The following JRK variants were observed in gnomAD, a reference collection of about 807,000 sequenced individuals.
JRK encodes Jrk helix-turn-helix protein.
For synonymous variants in JRK, 303 were observed against 218.1 expected, an observed-to-expected ratio of 1.39 and a Z score of -3.43; for missense variants, 720 against 509.2, an observed-to-expected ratio of 1.41 and a Z score of -3.98.
In JRK at chr8:142,661,623, A is replaced by G. The variant is rs782681448; in HGVS notation, c.*2729T>C. ...GCTCCAGCCTGGTGCTCACAGATAA[A>G]ACGCGGAGGCATTTAAACAGGACCA... On this transcript the variant is annotated 3_prime_UTR_variant, in exon 2 of 2. Transcript: ENST00000612905. 43 of 985,314 alleles carry G rather than the reference A, an allele frequency of 4.4e-5. No homozygotes were observed. The highest frequency in any genetic ancestry group is 1.0e-3 in the Middle Eastern group (2 of 1,936). The allele number at this position is 985,314 out of a possible 1,614,324, so 61.0% of individuals were successfully genotyped here. A position where few individuals can be genotyped will look rare whatever the true frequency, so the allele number is the denominator to read the frequency against.
chr8:142,657,983 A>G lies in JRK; in HGVS notation c.*6369T>C, dbSNP rs1554633925. On this transcript the variant is annotated 3_prime_UTR_variant, in exon 2 of 2. Transcript: ENST00000612905. ...TGGCGCTGGGTAGGGTATGGTGGGA[A>G]TCCTCCAGGCCCTGGCCATGAGGTG... 1 of 152,248 alleles carries G rather than the reference A, an allele frequency of 6.6e-6. No homozygotes were observed. Among genetic ancestry groups the G allele is most frequent in the Non-Finnish European group, 1.5e-5 (1 of 68,100 alleles). 9.4% of individuals were successfully genotyped at this position (152,248 alleles called of 1,614,324 possible). A position where few individuals can be genotyped will look rare whatever the true frequency, so the allele number is the denominator to read the frequency against.
chr8:142,657,062 A>G (rs370799113), downstream of JRK, among the ~76,000 whole-genome samples: 3 of 152,294 alleles, frequency 2.0e-5, no homozygotes, highest in East Asian at 3.9e-4. Flanking sequence ...CGCGCAGCAC[A>G]CAGAACTTCA....
At chr8:142,652,829 G>A (rs1339901113), downstream of JRK, among the ~76,000 whole-genome samples, 2 of 152,224 alleles carry the variant, frequency 1.3e-5, no homozygotes, top group Non-Finnish European at 2.9e-5. Flanking sequence ...GCTGCATGCT[G>A]CACGGTTATG....
At chr8:142,648,775 T>C in the JRK span, among the ~76,000 whole-genome samples, 83,547 of 152,046 alleles carry the variant, frequency 0.55, 24,267 homozygotes, top group Admixed American at 0.67. Context: ...AGGGCCACCA[T>C]CCTCCAGACC....
rs782121503 is a variant in JRK at position 142,665,086 on chromosome 8, C to T, written c.973G>A (p.Ala325Thr). The change falls in exon 2 of 2, where the codon GCC (alanine) becomes ACC (threonine). Residue 325 changes from alanine to threonine, a missense_variant. Coordinates refer to ENST00000612905, the MANE Select transcript of JRK (RefSeq NM_003724.4). The part of the protein sequence containing the change: ...VFTIFLPASV[A>T]SLVQPMEQGI... ...TGCTCCATGGGCTGCACCAATGAGGCCACGCTGGCAGGCAGGAAGATGGTG... is the reference window on the plus strand; with the variant it reads ...TGCTCCATGGGCTGCACCAATGAGGTCACGCTGGCAGGCAGGAAGATGGTG... 8.4e-6 allele frequency: 6 copies of T among 717,776 alleles called. No individual in the cohort carries two copies. The South Asian group carries it at 8.9e-5, about 11-fold the overall frequency. The allele number at this position is 717,776 out of a possible 1,614,324, so 44.5% of individuals were successfully genotyped here.
At chr8:142,650,210 A>G in the JRK span, among the ~76,000 whole-genome samples, 2 of 152,238 alleles carry the variant, frequency 1.3e-5, no homozygotes, top group East Asian at 3.8e-4. Flanking sequence ...CCCCCATTGT[A>G]TCTAGGAAGT....
chr8:142,662,882 G>A lies in JRK; in HGVS notation c.*1470C>T, dbSNP rs1554634776. 3.3e-5 allele frequency: 32 copies of A among 984,186 alleles called. No homozygotes were observed. Among genetic ancestry groups the A allele is most frequent in the Non-Finnish European group, 3.6e-5 (30 of 828,896 alleles). 61.0% of individuals were successfully genotyped at this position (984,186 alleles called of 1,614,324 possible). A position where few individuals can be genotyped will look rare whatever the true frequency, so the allele number is the denominator to read the frequency against. On this transcript the variant is annotated 3_prime_UTR_variant, in exon 2 of 2. Transcript: ENST00000612905. ...ATAGCAAGAAAAACCTATTTAGGCC[G>A]AGTGCTGTGGCTCACACCTGTAATC...
intron 1 of JRK, among the ~76,000 whole-genome samples, chr8:142,669,078 C>A (rs996863080): frequency 1.2e-4 from 19 of 152,034 alleles, no homozygotes; most frequent in Non-Finnish European, 2.9e-5. Flanking sequence ...GAGGGGCCAG[C>A]GCTGGGGCTG....
rs587675600 is a variant in JRK, at chr8:142,662,409, G to A, written c.*1943C>T. ...TGCCTCAAGCAGCTGCAATCCAGCA[G>A]TCTTGGTTAAGAGGCTCTATTAGGA... is the stretch of plus-strand genomic sequence containing the variant. On this transcript the variant is annotated 3_prime_UTR_variant, in exon 2 of 2. Coordinates refer to ENST00000612905, the MANE Select transcript of JRK (RefSeq NM_003724.4). 2.0e-6 allele frequency: 2 copies of A among 985,438 alleles called. No individual in the cohort carries two copies. Among genetic ancestry groups the A allele is most frequent in the Admixed American group, 6.1e-5 (1 of 16,280 alleles). The allele number at this position is 985,438 out of a possible 1,614,324, so 61.0% of individuals were successfully genotyped here.
At chr8:142,649,786 A>G in the JRK span, among the ~76,000 whole-genome samples, 89,697 of 152,218 alleles carry the variant, frequency 0.59, 27,965 homozygotes, top group Admixed American at 0.69. Context: ...CTCTGCTAGC[A>G]CAGTGTGGAA....
At chr8:142,668,595 G>C (rs1285021406) in intron 1 of JRK, among the ~76,000 whole-genome samples, 1 of 151,658 alleles carries the variant, frequency 6.6e-6, no homozygotes, top group African/African-American at 2.4e-5. Flanking sequence ...GACTAACTGG[G>C]GACTGGGATG....
rs782496497 is a variant in JRK at position 142,664,818 on chromosome 8, G to C, written c.1241C>G (p.Ser414Cys). The C allele has an allele frequency of 4.6e-5, 74 of 1,598,400 alleles. No homozygotes were observed. Among genetic ancestry groups the C allele is most frequent in the Non-Finnish European group, 5.9e-5 (69 of 1,171,910 alleles). ...CACAAGCTCCAGGATGTGTGCAAAG[G>C]ACTTGTTGTGGGGCTTCACTGGGAA... ...ECFPVKPHNK[S>C]FAHILELVKE... The change falls in exon 2 of 2, where the codon TCC becomes TGC. Residue 414 changes from serine to cysteine, a missense_variant. Ser to Cys is a moderately radical substitution (Grantham distance 112). Transcript: ENST00000612905.
At chr8:142,649,251 A>C in the JRK span, among the ~76,000 whole-genome samples, 2 of 152,158 alleles carry the variant, frequency 1.3e-5, no homozygotes, top group Non-Finnish European at 2.9e-5. Context: ...ATTGGTTTTG[A>C]AATGTAAGGA....
chr8:142,646,012 A>T, the JRK span, among the ~76,000 whole-genome samples: 2 of 152,112 alleles, frequency 1.3e-5, no homozygotes, highest in Non-Finnish European at 2.9e-5. Context: ...TTTTTTTAGA[A>T]AGAATGTTTT....
At chr8:142,651,493 T>TTA in the JRK span, among the ~76,000 whole-genome samples, 1 of 151,694 alleles carries the variant, frequency 6.6e-6, no homozygotes, top group African/African-American at 2.4e-5. Flanking sequence ...AAAAGTGGTC[T>TTA]TGTTATGTAA....
Position 142,662,424 on chromosome 8 carries a change from C to A in JRK, c.*1928G>T. On this transcript the variant is annotated 3_prime_UTR_variant, in exon 2 of 2. Coordinates refer to ENST00000612905, the MANE Select transcript of JRK (RefSeq NM_003724.4). ...CAATCCAGCAGTCTTGGTTAAGAGG[C>A]TCTATTAGGAGTGACACGTGAGCCC... 1.0e-6 allele frequency: 1 copy of A among 985,240 alleles called. No individual in the cohort carries two copies. The highest frequency in any genetic ancestry group is 1.2e-6 in the Non-Finnish European group (1 of 829,944). 61.0% of individuals were successfully genotyped at this position (985,240 alleles called of 1,614,324 possible).
At position 142,664,444 on chromosome 8, in the gene JRK, C is replaced by G. The variant is rs781999093; in HGVS notation, c.1615G>C (p.Val539Leu). 1.9e-6 allele frequency: 3 copies of G among 1,611,536 alleles called. No individual in the cohort carries two copies. The highest frequency in any genetic ancestry group is 2.5e-6 in the Non-Finnish European group (3 of 1,178,854). ...RRRRGALGAV[V>L]KVEALQEGPG... ...CCCTCCTGGAGGGCTTCAACCTTGA[C>G]CACAGCCCCGAGGGCACCACGCCGC... The change falls in exon 2 of 2, where the codon GTC (valine) becomes CTC (leucine). Residue 539 changes from valine (V) to leucine (L), a missense_variant. Coordinates refer to ENST00000612905, the MANE Select transcript of JRK (RefSeq NM_003724.4).
chr8:142,657,055 G>A (rs368593935), downstream of JRK, among the ~76,000 whole-genome samples: 14 of 152,268 alleles, frequency 9.2e-5, no homozygotes, highest in Middle Eastern at 3.4e-3. Flanking sequence ...CCACATCCGC[G>A]CAGCACACAG....
At position 142,660,380 on chromosome 8, in the gene JRK, C is replaced by T; in HGVS notation, c.*3972G>A. ...TCATGACCTCCCCGACCCTGATCTC[C>T]ACACCTGACCCCAAAGCACATTTTG... On this transcript the variant is annotated 3_prime_UTR_variant, in exon 2 of 2. Transcript: ENST00000612905. 1 of 985,604 alleles carries T rather than the reference C, an allele frequency of 1.0e-6. No individual in the cohort carries two copies. The highest frequency in any genetic ancestry group is 1.2e-6 in the Non-Finnish European group (1 of 830,054). 61.1% of individuals were successfully genotyped at this position (985,604 alleles called of 1,614,324 possible).
Sources: allele counts gnomAD v4.1 joint callset (sites outside exome capture counted in the v4.1 genomes callset), GRCh38; gene constraint gnomAD v4.1.1; transcripts MANE v1.5; gene names NCBI Gene and HGNC (gene_info 2026-07-23, HGNC 2026-07-21).